Variants in TANGO6 observed in about 807,000 individuals in gnomAD.
The protein encoded by TANGO6 is transport and golgi organization 6 homolog.
A neutral mutation model predicts 114.2 loss-of-function variants in TANGO6; 90 were observed. That is an observed-to-expected ratio of 0.79 (90% CI 0.66 to 0.94). The LOEUF (loss-of-function observed/expected upper bound fraction) is 0.94, where lower values mean the gene tolerates loss of function less well. Ranked by LOEUF, TANGO6 falls within the 40% of genes least tolerant of loss-of-function variation. TANGO6 has a pLI of 0.00. For missense variants in TANGO6, 1,274 were observed against 1,315.3 expected (o/e 0.97, Z 0.49); for synonymous variants, 477 against 509.8 (o/e 0.94, Z 0.87).
At chr16:69,010,613 C>T (rs1964134790) in intron 15 of TANGO6, among the ~76,000 whole-genome samples, 1 of 152,180 alleles carries the variant, frequency 6.6e-6, no homozygotes, top group African/African-American at 2.4e-5. Context: ...TTGTCTGCCC[C>T]TATGAGAATC....
At chr16:68,880,727 G>A (rs779745714) in intron 7 of TANGO6, 97 bp downstream of exon 7, 17 of 765,402 alleles carry the variant, frequency 2.2e-5, no homozygotes, top group South Asian at 2.6e-5. Flanking sequence ...GTCTCACCAC[G>A]TTGCCCAGTC....
At chr16:68,984,061 T>G (rs1213163035) in intron 15 of TANGO6, among the ~76,000 whole-genome samples, 1 of 143,438 alleles carries the variant, frequency 7.0e-6, no homozygotes, top group African/African-American at 2.6e-5. Flanking sequence ...AAAAGAAAAA[T>G]AGCTTTTGTA....
At chr16:68,862,903 C>A in intron 2 of TANGO6, 42 bp from the exon 3 acceptor site, 2 of 1,334,590 alleles carry the variant, frequency 1.5e-6, no homozygotes, top group Non-Finnish European at 2.1e-6. Flanking sequence ...TATTGTCTGC[C>A]TGGTTTGAAT....
Position 68,875,289 on chromosome 16 carries a change from A to C in TANGO6, c.1130A>C (p.Gln377Pro). The C allele has an allele frequency of 6.2e-7, 1 of 1,611,876 alleles. No individual in the cohort carries two copies. The highest frequency in any genetic ancestry group is 1.7e-4 in the Middle Eastern group (1 of 5,968). Reference sequence around the variant, plus strand: ...AATTACTACAGGGACATCTGCCCCCAGGTAAATCTTTTTGTTTCTATTGAT... The same window carrying C: ...AATTACTACAGGGACATCTGCCCCCCGGTAAATCTTTTTGTTTCTATTGAT... The part of the protein sequence containing the change: ...PENYYRDICP[Q>P]VLDLFHFQDK... The change falls in exon 5 of 18, where the codon CAG (glutamine) becomes CCG (proline). Residue 377 changes from glutamine (Q) to proline (P), a missense_variant and splice_region_variant. By Grantham distance (76) the Gln-to-Pro change is moderately conservative. Coordinates refer to ENST00000261778, the MANE Select transcript of TANGO6 (RefSeq NM_024562.2).
intron 15 of TANGO6, among the ~76,000 whole-genome samples, chr16:68,998,694 G>A (rs1964014263): frequency 6.7e-6 from 1 of 149,728 alleles, no homozygotes; most frequent in African/African-American, 2.5e-5. Context: ...TTGCGCCACT[G>A]CGCTCCAGCC....
chr16:69,021,062 C>T (rs1292411567), intron 15 of TANGO6, among the ~76,000 whole-genome samples: 1 of 152,126 alleles, frequency 6.6e-6, no homozygotes, highest in East Asian at 1.9e-4. Flanking sequence ...TGGTACCCAA[C>T]AATGTGTTCT....
chr16:68,968,573 C>T (rs1056674064), intron 14 of TANGO6, among the ~76,000 whole-genome samples: 1 of 151,664 alleles, frequency 6.6e-6, no homozygotes, highest in Non-Finnish European at 1.5e-5. Context: ...CCATGTTGGT[C>T]AGGCTGGTCT....
At chr16:68,960,842 A>C (rs1451538090) in intron 14 of TANGO6, among the ~76,000 whole-genome samples, 1 of 152,150 alleles carries the variant, frequency 6.6e-6, no homozygotes, top group Non-Finnish European at 1.5e-5. Flanking sequence ...GTAGTAGCAC[A>C]AGAGATTTAG....
intron 15 of TANGO6, among the ~76,000 whole-genome samples, chr16:68,981,210 C>CTTTTTTTTTTTTTTTTTTTTTTTCT (rs553789256): frequency 9.0e-6 from 1 of 111,052 alleles, no homozygotes; most frequent in Non-Finnish European, 1.8e-5. Context: ...TTTTCTTTTC[C>CTTTTTTTTTTTTTTTTTTTTTTTCT]TTTTTTTTTT....
chr16:69,016,390 C>T (rs1261850879), intron 15 of TANGO6, among the ~76,000 whole-genome samples: 1 of 150,556 alleles, frequency 6.6e-6, no homozygotes, highest in Non-Finnish European at 1.5e-5. Flanking sequence ...AAGAGCGAAA[C>T]TCCATCTCAA....
intron 4 of TANGO6, among the ~76,000 whole-genome samples, chr16:68,873,460 C>T (rs1479347435): frequency 6.6e-6 from 1 of 151,844 alleles, no homozygotes; most frequent in African/African-American, 2.4e-5. Flanking sequence ...ATTACAGGCG[C>T]CCACCACCAC....
chr16:68,913,612 T>C (rs1283065074), intron 11 of TANGO6, among the ~76,000 whole-genome samples: 2 of 151,870 alleles, frequency 1.3e-5, no homozygotes, highest in African/African-American at 2.4e-5. Context: ...TTTCACCATG[T>C]TGGCCAGGCT....
intron 14 of TANGO6, among the ~76,000 whole-genome samples, chr16:68,947,377 C>A (rs1963424743): frequency 6.6e-6 from 1 of 151,758 alleles, no homozygotes; most frequent in South Asian, 2.1e-4. Flanking sequence ...TCGCTTGAAC[C>A]AGGGAGTCGA....
chr16:68,891,833 G>A (rs373183824), intron 7 of TANGO6, among the ~76,000 whole-genome samples: 3 of 146,716 alleles, frequency 2.0e-5, no homozygotes, highest in African/African-American at 7.6e-5. Context: ...GGAGGAGGGA[G>A]GGAAAGGGAA....
chr16:69,052,836 C>A (rs1199863514), intron 17 of TANGO6, among the ~76,000 whole-genome samples: 1 of 151,782 alleles, frequency 6.6e-6, no homozygotes, highest in Non-Finnish European at 1.5e-5. Flanking sequence ...GTGCCAGGCA[C>A]GGTGGCTCAT....
At chr16:69,020,938 G>GTT (rs954978161) in intron 15 of TANGO6, among the ~76,000 whole-genome samples, 5 of 148,408 alleles carry the variant, frequency 3.4e-5, no homozygotes, top group African/African-American at 1.3e-4. Context: ...GTGTGTGTGT[G>GTT]TGTGGTGTGT....
At chr16:69,051,952 T>C (rs1959956630) in intron 17 of TANGO6, among the ~76,000 whole-genome samples, 2 of 149,484 alleles carry the variant, frequency 1.3e-5, no homozygotes. Flanking sequence ...TTTTCTTTTT[T>C]TTTTTTTTTT....
In TANGO6 at chr16:69,046,687, G is replaced by C. The variant is rs566555512; in HGVS notation, c.3108+6266G>C. Among the ~76,000 whole-genome samples, 3 of 152,166 alleles carry C rather than the reference G, an allele frequency of 2.0e-5. No homozygotes were observed. The South Asian group carries it at 6.2e-4, about 32-fold the overall frequency. On this transcript the variant is annotated intron_variant, in intron 17 of 17. Coordinates refer to ENST00000261778, the MANE Select transcript of TANGO6 (RefSeq NM_024562.2). ...AGTAGAGGAGAAATATTTCTGCAAA[G>C]ATGGGAAATCTCAGAAAAGAAATAG...
At chr16:68,875,028 A>G in intron 4 of TANGO6, 126 bp from the exon 5 acceptor site, 1 of 1,019,358 alleles carries the variant, frequency 9.8e-7, no homozygotes, top group East Asian at 2.7e-5. Flanking sequence ...TCTTATAGAA[A>G]AAAATAAACT....
Sources: gnomAD v4.1 joint callset for allele counts (sites outside exome capture counted in the v4.1 genomes callset) on GRCh38, gnomAD v4.1.1 for gene constraint, MANE v1.5 for transcripts, NCBI Gene and HGNC (gene_info 2026-07-23, HGNC 2026-07-21) for gene names.